KIF13A: variants seen among roughly 807,000 people sequenced by gnomAD.
KIF13A encodes the protein kinesin family member 13A, also known as kinesin-like protein KIF13A.
A neutral mutation model predicts 212.2 loss-of-function variants in KIF13A; 79 were observed. That is an observed-to-expected ratio of 0.37 (90% CI 0.31 to 0.45). KIF13A has a LOEUF of 0.45. Ranked by LOEUF, KIF13A falls within the 20% of genes least tolerant of loss-of-function variation. The pLI, the probability that KIF13A is intolerant of heterozygous loss-of-function variation, is 1.00. For missense variants in KIF13A, 1,901 were observed against 2,209.0 expected (o/e 0.86, Z 2.79); for synonymous variants, 789 against 808.6 (o/e 0.98, Z 0.41).
intron 29 of KIF13A, among the ~76,000 whole-genome samples, chr6:17,782,231 G>A (rs1760660409): frequency 1.3e-5 from 2 of 151,882 alleles, no homozygotes; most frequent in South Asian, 2.1e-4. Context: ...CAACATACCC[G>A]GCTGCTTTTA....
Position 17,898,487 on chromosome 6 carries a change from G to C in KIF13A, c.147-307C>G, listed in dbSNP as rs1395059660. On this transcript the variant is annotated intron_variant, in intron 2 of 38. Coordinates refer to ENST00000259711, the MANE Select transcript of KIF13A (RefSeq NM_022113.6). This position sits in a 1 kb window ranked among gnomAD's most constrained non-coding sequence, Gnocchi z 5.2. ...TGACTTTTAAGAAATGCCAAAGGAA[G>C]AGCATCAAGATAAAGAAAGATGCCA... 6.6e-6 allele frequency among the ~76,000 whole-genome samples: 1 copy of C among 152,064 alleles called. No homozygotes were observed. Among genetic ancestry groups the C allele is most frequent in the African/African-American group, 2.4e-5 (1 of 41,412 alleles).
intron 16 of KIF13A, among the ~76,000 whole-genome samples, chr6:17,820,309 G>A (rs1764321515): frequency 1.3e-5 from 2 of 152,114 alleles, no homozygotes; most frequent in Non-Finnish European, 2.9e-5. Flanking sequence ...CCCCATTCCC[G>A]AACTCCCAGA....
Position 17,779,610 on chromosome 6 carries a change from T to G in KIF13A, c.3921A>C (p.Ile1307=). The part of the protein sequence containing the change: ...IFYSCGVTYE[I]VSNIPKATEE... Reference sequence around the variant, plus strand: ...ATTTTACCTTTGGTATATTGGATACTATTTCATAGGTTACACCACAGGAAT... The same window carrying G: ...ATTTTACCTTTGGTATATTGGATACGATTTCATAGGTTACACCACAGGAAT... Residue 1307 remains isoleucine (I), a synonymous_variant, in exon 32 of 39, where the codon ATA becomes ATC. Coordinates refer to ENST00000259711, the MANE Select transcript of KIF13A (RefSeq NM_022113.6). The G allele has an allele frequency of 1.4e-6, 2 of 1,461,688 alleles. No individual in the cohort carries two copies. Among genetic ancestry groups the G allele is most frequent in the Non-Finnish European group, 1.9e-6 (2 of 1,050,512 alleles). The allele number at this position is 1,461,688 out of a possible 1,614,324, so 90.5% of individuals were successfully genotyped here.
At chr6:17,911,710 AAAG>A (rs947678627) in intron 2 of KIF13A, among the ~76,000 whole-genome samples, 4 of 151,516 alleles carry the variant, frequency 2.6e-5, no homozygotes, top group Non-Finnish European at 5.9e-5. Flanking sequence ...AAAAAAAAAA[AAAG>A]AATTAATAAG....
chr6:17,896,514 T>A (rs913979846), intron 3 of KIF13A, among the ~76,000 whole-genome samples: 16 of 152,224 alleles, frequency 1.1e-4, no homozygotes, highest in African/African-American at 3.6e-4. Flanking sequence ...TTTGATTCTA[T>A]TGTGTCATTT....
chr6:17,905,913 T>C (rs547436069), intron 2 of KIF13A, among the ~76,000 whole-genome samples: 2 of 152,354 alleles, frequency 1.3e-5, no homozygotes, highest in South Asian at 4.1e-4. Flanking sequence ...TCAGGATTTA[T>C]GAACTGTAGT....
At chr6:17,949,293 A>C (rs1777671279) in intron 2 of KIF13A, among the ~76,000 whole-genome samples, 1 of 152,226 alleles carries the variant, frequency 6.6e-6, no homozygotes, top group Non-Finnish European at 1.5e-5. Context: ...AGTGGGACAA[A>C]GCATGTGACC....
At position 17,926,379 on chromosome 6, in the gene KIF13A, C is replaced by T. The variant is rs533825461; in HGVS notation, c.147-28199G>A. Reference sequence around the variant, plus strand: ...TCCCGAGTAGCTGGGATAACAGGCACGCACCACCACACCCGGCTAATTTTT... The same window carrying T: ...TCCCGAGTAGCTGGGATAACAGGCATGCACCACCACACCCGGCTAATTTTT... On this transcript the variant is annotated intron_variant, in intron 2 of 38. Transcript: ENST00000259711. This position sits in a 1 kb window ranked among gnomAD's most constrained non-coding sequence, Gnocchi z 4.3. Among the ~76,000 whole-genome samples the T allele has an allele frequency of 1.3e-4, 20 of 152,164 alleles. No homozygotes were observed. The highest frequency in any genetic ancestry group is 4.3e-4 in the African/African-American group (18 of 41,532).
intron 3 of KIF13A, among the ~76,000 whole-genome samples, chr6:17,894,013 T>C (rs1485242450): frequency 6.6e-6 from 1 of 151,938 alleles, no homozygotes; most frequent in Non-Finnish European, 1.5e-5. Flanking sequence ...CTAATTTTTG[T>C]ATTTTCAGTA....
intron 2 of KIF13A, among the ~76,000 whole-genome samples, chr6:17,983,611 G>A (rs371058486): frequency 1.3e-5 from 2 of 151,858 alleles, no homozygotes; most frequent in East Asian, 3.9e-4. Context: ...TCCTGCCTTA[G>A]GCTCCTAGGC....
intron 3 of KIF13A, chr6:17,881,699 A>G (rs1771083075): frequency 3.0e-6 from 1 of 330,060 alleles, no homozygotes; most frequent in South Asian, 2.4e-5. Flanking sequence ...GTGTCTCAAA[A>G]AAAAGCAGCA....
At chr6:17,941,313 T>C (rs941355625) in intron 2 of KIF13A, among the ~76,000 whole-genome samples, 6 of 152,258 alleles carry the variant, frequency 3.9e-5, no homozygotes, top group African/African-American at 1.4e-4. Flanking sequence ...GTTTTTCAAA[T>C]CTCAAATCAA....
In KIF13A at chr6:17,825,844, A is replaced by T. The variant is rs1255894708; in HGVS notation, c.1710T>A (p.Ser570Arg). 6.2e-7 allele frequency: 1 copy of T among 1,613,958 alleles called. No individual in the cohort carries two copies. The highest frequency in any genetic ancestry group is 1.1e-5 in the South Asian group (1 of 91,080). ...TATAGTCTGGTTCAGAGGAAGCCTC[A>T]CTGGCTGCATCCAGGTCATGCTCTG... is the stretch of plus-strand genomic sequence containing the variant. ...GPPEHDLDAA[S>R]EASSEPDYNY... Residue 570 changes from serine to arginine, a missense_variant, in exon 16 of 39, where the codon AGT becomes AGA. This residue lies in a region of KIF13A where 534 missense variants were observed against 536.9 expected (regional missense o/e 0.99). Transcript: ENST00000259711. The surrounding 1 kb of genome is among the most constrained non-coding windows in gnomAD (Gnocchi z 4.5).
At chr6:17,833,460 G>A (rs943706428) in intron 12 of KIF13A, among the ~76,000 whole-genome samples, 1 of 144,720 alleles carries the variant, frequency 6.9e-6, no homozygotes, top group Non-Finnish European at 1.5e-5. Flanking sequence ...TTGAGCTGCT[G>A]TACTCCAGCC....
chr6:17,788,317 T>C (rs866064441), intron 26 of KIF13A, among the ~76,000 whole-genome samples: 10 of 152,164 alleles, frequency 6.6e-5, no homozygotes, highest in South Asian at 6.2e-4. Context: ...TCTGATAACA[T>C]AGATTTTCTG....
At chr6:17,973,666 A>G (rs1437699788) in intron 2 of KIF13A, among the ~76,000 whole-genome samples, 1 of 152,178 alleles carries the variant, frequency 6.6e-6, no homozygotes, top group East Asian at 1.9e-4. Context: ...CCTCAATTTT[A>G]CAGATGAAGA....
At chr6:17,977,529 A>C (rs939680091) in intron 2 of KIF13A, among the ~76,000 whole-genome samples, 4 of 152,348 alleles carry the variant, frequency 2.6e-5, no homozygotes, top group Non-Finnish European at 5.9e-5. Context: ...GAGACTATTC[A>C]ATTTTTAAAA....
intron 3 of KIF13A, among the ~76,000 whole-genome samples, chr6:17,876,177 A>C (rs1770540904): frequency 6.6e-6 from 1 of 152,026 alleles, no homozygotes; most frequent in Non-Finnish European, 1.5e-5. Context: ...ATTGCCCTTT[A>C]TCTCTTGCAG....
chr6:17,982,259 C>G lies in KIF13A; in HGVS notation c.146+4795G>C, dbSNP rs1781160496. The G allele has an allele frequency of 6.0e-6, 1 of 165,824 alleles. No homozygotes were observed. The highest frequency in any genetic ancestry group is 2.4e-5 in the African/African-American group (1 of 41,634). 10.3% of individuals were successfully genotyped at this position (165,824 alleles called of 1,614,324 possible). A position where few individuals can be genotyped will look rare whatever the true frequency, so the allele number is the denominator to read the frequency against. ...TATAGGTGTGCACCACCACACTCGG[C>G]TAACTTTTGTATTTTTTTAGTGGAG... On this transcript the variant is annotated intron_variant, in intron 2 of 38. Coordinates refer to ENST00000259711, the MANE Select transcript of KIF13A (RefSeq NM_022113.6). The surrounding 1 kb of genome is among the most constrained non-coding windows in gnomAD (Gnocchi z 5.1).
Sources: gnomAD v4.1 joint callset for allele counts (sites outside exome capture counted in the v4.1 genomes callset) on GRCh38, gnomAD v4.1.1 for gene constraint, gnomAD v4.1.1 regional missense constraint, Gnocchi (gnomAD v3.1) non-coding constraint, MANE v1.5 for transcripts, NCBI Gene and HGNC (gene_info 2026-07-23, HGNC 2026-07-21) for gene names.